Variants in DPYD observed in about 807,000 individuals in gnomAD.
DPYD encodes the protein dihydropyrimidine dehydrogenase [NADP(+)].
Under a neutral mutation model 116.2 loss-of-function variants are expected in DPYD, and 109 were observed. The ratio of observed to expected loss-of-function variants is 0.94; its 90% CI spans 0.80 to 1.10. The LOEUF is 1.10. Ranked by LOEUF, DPYD falls within the 50% of genes least tolerant of loss-of-function variation. The pLI is 0.00. For missense variants in DPYD, 1,302 were observed against 1,254.5 expected (o/e 1.04, Z -0.57); for synonymous variants, 440 against 432.0 (o/e 1.02, Z -0.23).
At chr1:97,392,245 G>T (rs1398994860) in intron 14 of DPYD, among the ~76,000 whole-genome samples, 1 of 152,050 alleles carries the variant, frequency 6.6e-6, no homozygotes, top group Non-Finnish European at 1.5e-5. Context: ...AGCCTTTGGT[G>T]AATCATAATC....
intron 2 of DPYD, among the ~76,000 whole-genome samples, chr1:97,831,921 G>A (rs754475674): frequency 2.3e-4 from 35 of 152,078 alleles, no homozygotes; most frequent in Non-Finnish European, 3.8e-4. Flanking sequence ...ATTTAATGCC[G>A]ACCAGACATG....
chr1:97,475,974 G>C (rs1319377441), intron 13 of DPYD, among the ~76,000 whole-genome samples: 1 of 152,174 alleles, frequency 6.6e-6, no homozygotes, highest in Admixed American at 6.5e-5. Context: ...AGGAGATACA[G>C]TTACATCAGA....
At chr1:97,865,986 G>A (rs979527311) in intron 2 of DPYD, among the ~76,000 whole-genome samples, 4 of 151,884 alleles carry the variant, frequency 2.6e-5, no homozygotes, top group South Asian at 2.1e-4. Flanking sequence ...CTACCCTCTA[G>A]TAACTCAAAT....
intron 2 of DPYD, among the ~76,000 whole-genome samples, chr1:97,862,925 T>A (rs139871922): frequency 6.6e-6 from 1 of 151,802 alleles, no homozygotes; most frequent in East Asian, 1.9e-4. Context: ...AATCATCACA[T>A]CAATCTCGAA....
chr1:97,527,700 G>A (rs1359954783), intron 12 of DPYD, among the ~76,000 whole-genome samples: 1 of 147,952 alleles, frequency 6.8e-6, no homozygotes, highest in Non-Finnish European at 1.5e-5. Flanking sequence ...ATTTGGATGT[G>A]TAATGATTAT....
At chr1:97,696,064 A>G (rs2100963255) in intron 6 of DPYD, among the ~76,000 whole-genome samples, 1 of 151,434 alleles carries the variant, frequency 6.6e-6, no homozygotes, top group East Asian at 2.0e-4. Flanking sequence ...CCGGAGGTGG[A>G]GGTTGCAGTG....
At chr1:97,370,805 G>A (rs1671276534) in intron 16 of DPYD, among the ~76,000 whole-genome samples, 1 of 152,096 alleles carries the variant, frequency 6.6e-6, no homozygotes, top group African/African-American at 2.4e-5. Context: ...GCTTGATAAA[G>A]GTGACACAGA....
chr1:97,145,514 G>A (rs1654551889), intron 20 of DPYD, among the ~76,000 whole-genome samples: 1 of 152,114 alleles, frequency 6.6e-6, no homozygotes, highest in South Asian at 2.1e-4. Context: ...TGGAAGCCAC[G>A]TGGGCCAGAC....
chr1:97,453,723 T>C (rs1342957088), intron 13 of DPYD, among the ~76,000 whole-genome samples: 2 of 152,076 alleles, frequency 1.3e-5, no homozygotes, highest in Non-Finnish European at 2.9e-5. Context: ...CTTTGTGTAT[T>C]ATGAGTTAAG....
chr1:97,786,150 G>A (rs1667010645), intron 3 of DPYD, among the ~76,000 whole-genome samples: 2 of 151,098 alleles, frequency 1.3e-5, no homozygotes, highest in South Asian at 4.2e-4. Context: ...GAAGATGAAT[G>A]GCAATTAAAT....
intron 16 of DPYD, among the ~76,000 whole-genome samples, chr1:97,318,288 G>A (rs1291976392): frequency 1.6e-5 from 2 of 127,318 alleles, no homozygotes; most frequent in East Asian, 2.3e-4. Context: ...AGACTGGCAA[G>A]TTGGATAAAG....
intron 18 of DPYD, among the ~76,000 whole-genome samples, chr1:97,257,602 A>G (rs569114348): frequency 7.2e-5 from 11 of 151,788 alleles, no homozygotes; most frequent in Non-Finnish European, 1.3e-4. Context: ...TGGTACAAGT[A>G]TATCTTCCCA....
chr1:97,731,840 T>C (rs1320637453), intron 4 of DPYD, among the ~76,000 whole-genome samples: 1 of 151,984 alleles, frequency 6.6e-6, no homozygotes, highest in Non-Finnish European at 1.5e-5. Flanking sequence ...AAGAAAATAG[T>C]TGTGATTCCA....
intron 11 of DPYD, among the ~76,000 whole-genome samples, chr1:97,553,731 T>A (rs1651489963): frequency 6.6e-6 from 1 of 152,054 alleles, no homozygotes; most frequent in African/African-American, 2.4e-5. Context: ...AGATTTTCCA[T>A]GAGATTGCAT....
chr1:97,401,163 G>T (rs12047072), intron 14 of DPYD, among the ~76,000 whole-genome samples: 29,140 of 151,960 alleles, frequency 0.19, 2,965 homozygotes, highest in South Asian at 0.36. Flanking sequence ...AATCTGGTTC[G>T]TTGTTTTCTT....
chr1:97,620,452 T>C (rs575752538), intron 8 of DPYD, among the ~76,000 whole-genome samples: 3 of 152,224 alleles, frequency 2.0e-5, no homozygotes, highest in South Asian at 2.1e-4. Flanking sequence ...CTGGCCTCAA[T>C]TGATCCTCCC....
intron 19 of DPYD, among the ~76,000 whole-genome samples, chr1:97,225,904 T>C (rs919189151): frequency 1.3e-5 from 2 of 152,014 alleles, no homozygotes; most frequent in Non-Finnish European, 2.9e-5. Context: ...GAGCCCAGTA[T>C]TACGCTGAAG....
chr1:97,322,234 T>A lies in DPYD; in HGVS notation c.2059-15937A>T, dbSNP rs907557299. Reference sequence around the variant, plus strand: ...ATGTACCCTAAAACTTAAAGTATAATAAAAAAAAATAATAAATAAATAAAT... The same window carrying A: ...ATGTACCCTAAAACTTAAAGTATAAAAAAAAAAAATAATAAATAAATAAAT... On this transcript the variant is annotated intron_variant, in intron 16 of 22. Transcript: ENST00000370192. Among the ~76,000 whole-genome samples the A allele has an allele frequency of 3.4e-5, 5 of 146,272 alleles. No individual in the cohort carries two copies. The South Asian group carries it at 1.1e-3, about 32-fold the overall frequency.
intron 19 of DPYD, among the ~76,000 whole-genome samples, chr1:97,209,718 T>C (rs1304352390): frequency 1.3e-5 from 2 of 152,142 alleles, no homozygotes; most frequent in African/African-American, 2.4e-5. Context: ...CCTTAAAGCA[T>C]GACAACTGAA....
Sources: allele counts gnomAD v4.1 joint callset (sites outside exome capture counted in the v4.1 genomes callset), GRCh38; gene constraint gnomAD v4.1.1; transcripts MANE v1.5; gene names NCBI Gene and HGNC (gene_info 2026-07-23, HGNC 2026-07-21).